Variants in TBC1D14 observed in about 807,000 individuals in gnomAD.
TBC1D14 encodes the protein TBC1 domain family member 14, also known as TBC1 domain family, member 14.
A neutral mutation model predicts 79.0 loss-of-function variants in TBC1D14; 26 were observed. The ratio of observed to expected loss-of-function variants is 0.33; its 90% CI spans 0.24 to 0.46. TBC1D14 has a LOEUF of 0.46. TBC1D14 is among the 20% of genes least tolerant of loss of function. The probability of loss-of-function intolerance (pLI) is 1.00; values close to 1 mark genes in which losing one functional copy is unlikely to be tolerated. For missense variants in TBC1D14, 769 were observed against 887.6 expected (o/e 0.87, Z 1.70); for synonymous variants, 394 against 349.9 (o/e 1.13, Z -1.40).
intron 1 of TBC1D14, among the ~76,000 whole-genome samples, chr4:6,915,757 C>G (rs983719258): frequency 6.6e-6 from 1 of 152,010 alleles, no homozygotes; most frequent in African/African-American, 2.4e-5. Context: ...AATGTTGGCT[C>G]TGGGATCTGT....
In TBC1D14 at chr4:7,006,672, G is replaced by T. The variant is rs748711911; in HGVS notation, c.1392G>T (p.Glu464Asp). Residue 464 changes from glutamate to aspartate, a missense_variant, in exon 9 of 14, where the codon GAG (glutamate) becomes GAT (aspartate). Glu to Asp is a conservative substitution (Grantham distance 45). This residue lies in a region of TBC1D14 where 367 missense variants were observed against 494.4 expected (regional missense o/e 0.74). Coordinates refer to ENST00000409757, the MANE Select transcript of TBC1D14 (RefSeq NM_020773.3). Reference protein sequence around the residue: ...FSAADREASLELIKLDISRTF... With the variant: ...FSAADREASLDLIKLDISRTF... ...CAGCAGACAGAGAAGCCAGTCTGGA[G>T]CTTATTAAACTGGACATTTCTAGAA... The T allele has an allele frequency of 1.9e-6, 3 of 1,614,018 alleles. No individual in the cohort carries two copies. The highest frequency in any genetic ancestry group is 2.5e-6 in the Non-Finnish European group (3 of 1,179,966).
intron 3 of TBC1D14, among the ~76,000 whole-genome samples, chr4:6,979,347 C>G (rs1452906627): frequency 2.0e-5 from 3 of 152,158 alleles, no homozygotes; most frequent in Non-Finnish European, 4.4e-5. Flanking sequence ...AAAAAATGGG[C>G]TGGGTGTGTT....
chr4:6,951,189 G>A (rs1714005431), intron 2 of TBC1D14, among the ~76,000 whole-genome samples: 1 of 152,156 alleles, frequency 6.6e-6, no homozygotes, highest in Non-Finnish European at 1.5e-5. Flanking sequence ...CTACTCAGGA[G>A]GCTGAGGCAG....
chr4:6,914,135 C>CAA (rs34129252), intron 1 of TBC1D14, among the ~76,000 whole-genome samples: 57,941 of 137,084 alleles, frequency 0.42, 11,787 homozygotes, highest in Middle Eastern at 0.53. Context: ...GACCCCATCT[C>CAA]AAAAAAAAAA....
At chr4:7,027,973 C>G (rs1170446095) in intron 13 of TBC1D14, among the ~76,000 whole-genome samples, 1 of 126,226 alleles carries the variant, frequency 7.9e-6, no homozygotes, top group Non-Finnish European at 1.7e-5. Flanking sequence ...ACATTGCCCA[C>G]CCCCCCACAC....
Position 7,014,552 on chromosome 4 carries a change from T to C in TBC1D14, c.1752T>C (p.Ile584=), listed in dbSNP as rs1353831721. 9 of 1,604,098 alleles carry C rather than the reference T, an allele frequency of 5.6e-6. No homozygotes were observed. The highest frequency in any genetic ancestry group is 1.7e-4 in the Middle Eastern group (1 of 6,052). The part of the protein sequence containing the change: ...KNNLTPDIYL[I]DWIFTLYSKS... ...ACCTAACTCCAGATATCTACCTAAT[T>C]GATTGGTAAGACTGGCTTTTCCCTG... is the stretch of plus-strand genomic sequence containing the variant. The change falls in exon 12 of 14, where the codon ATT becomes ATC. Residue 584 remains isoleucine (I), a synonymous_variant. Transcript: ENST00000409757.
Position 6,933,495 on chromosome 4 carries a change from A to G in TBC1D14, c.722+9384A>G, listed in dbSNP as rs111460851. The stretch of plus-strand genomic sequence containing the variant: ...AACTTTTAAAATTTTTTGTAGAGAC[A>G]TGGTCTCACTTTGTTGCCCAGGCTG... On this transcript the variant is annotated intron_variant, in intron 2 of 13. Transcript: ENST00000409757. Among the ~76,000 whole-genome samples, 934 of 151,656 alleles carry G rather than the reference A, an allele frequency of 6.2e-3. 8 individuals carry two copies. Among genetic ancestry groups the G allele is most frequent in the African/African-American group, 0.021 (884 of 41,288 alleles).
intron 2 of TBC1D14, among the ~76,000 whole-genome samples, chr4:6,936,118 C>T (rs1712298482): frequency 6.6e-6 from 1 of 152,186 alleles, no homozygotes; most frequent in African/African-American, 2.4e-5. Context: ...TGGAGGAGTC[C>T]ATTTGTTACT....
chr4:7,011,268 T>C (rs1274365265), intron 11 of TBC1D14, among the ~76,000 whole-genome samples: 1 of 149,220 alleles, frequency 6.7e-6, no homozygotes, highest in African/African-American at 2.4e-5. Flanking sequence ...AAGGCAGCCA[T>C]TTGTTTAGTG....
In TBC1D14 at chr4:7,024,999, C is replaced by G. The variant is rs1282787039; in HGVS notation, c.1758-5C>G. 3.1e-6 allele frequency: 5 copies of G among 1,613,496 alleles called. No homozygotes were observed. Among genetic ancestry groups the G allele is most frequent in the African/African-American group, 1.3e-5 (1 of 74,912 alleles). On this transcript the variant is annotated splice_polypyrimidine_tract_variant and splice_region_variant and intron_variant, in intron 12 of 13. Transcript: ENST00000409757. ...ATCTGAAAAATTCCAACTTTTACCC[C>G]CTAGGATCTTTACCTTATATAGTAA...
At chr4:6,987,124 CT>C (rs1717921200) in intron 3 of TBC1D14, 7 of 1,191,328 alleles carry the variant, frequency 5.9e-6, no homozygotes, top group African/African-American at 1.6e-5. Context: ...GCCCCGCCCC[CT>C]TGGGAGTCTC....
chr4:6,997,824 C>CA (rs768906472), intron 5 of TBC1D14, among the ~76,000 whole-genome samples: 23 of 152,102 alleles, frequency 1.5e-4, no homozygotes, highest in Middle Eastern at 3.4e-3. Context: ...CAGTCAAACT[C>CA]AGAGACAAAA....
At chr4:7,001,416 G>T in intron 7 of TBC1D14, 165 bp downstream of exon 7, 1 of 619,422 alleles carries the variant, frequency 1.6e-6, no homozygotes, top group South Asian at 1.9e-5. Flanking sequence ...GGAGGCCTGG[G>T]TTTAGTGCTG....
At chr4:6,943,664 C>T (rs889469939) in intron 2 of TBC1D14, among the ~76,000 whole-genome samples, 6 of 152,162 alleles carry the variant, frequency 3.9e-5, no homozygotes, top group African/African-American at 1.4e-4. Context: ...TCTCCCAGAC[C>T]TCTAATGTGG....
intron 1 of TBC1D14, among the ~76,000 whole-genome samples, chr4:6,919,908 C>T (rs896032897): frequency 4.6e-5 from 7 of 151,988 alleles, no homozygotes; most frequent in Admixed American, 1.3e-4. Context: ...CGTGAGCCAC[C>T]GTGCCCGGCC....
rs145100463 is a variant in TBC1D14 at position 6,919,539 on chromosome 4, C to T, written c.-17-3834C>T. 4.7e-4 allele frequency among the ~76,000 whole-genome samples: 72 copies of T among 152,274 alleles called. No individual in the cohort carries two copies. The East Asian group carries it at 0.014, about 29-fold the overall frequency. ...CTAATTTCTAAGAAAAATTGATTAT[C>T]AATTACTATAACATTGTGATTAAAT... On this transcript the variant is annotated intron_variant, in intron 1 of 13. Coordinates refer to ENST00000409757, the MANE Select transcript of TBC1D14 (RefSeq NM_020773.3).
At chr4:6,925,792 G>C (rs1009508396) in intron 2 of TBC1D14, among the ~76,000 whole-genome samples, 2 of 152,102 alleles carry the variant, frequency 1.3e-5, no homozygotes, top group African/African-American at 2.4e-5. Context: ...TTTGTGTGGC[G>C]GAACTTCCCC....
intron 10 of TBC1D14, among the ~76,000 whole-genome samples, chr4:7,010,285 T>C (rs1720619213): frequency 6.6e-6 from 1 of 152,236 alleles, no homozygotes; most frequent in South Asian, 2.1e-4. Flanking sequence ...GCTTCGCGGA[T>C]GTGTGTGCGC....
chr4:6,910,372 C>A (rs181659569), intron 1 of TBC1D14: 1 of 152,534 alleles, frequency 6.6e-6, no homozygotes, highest in Non-Finnish European at 1.5e-5. Context: ...GACCCTCCTC[C>A]TTGGAGCCCC....
Sources: gnomAD v4.1 joint callset for allele counts (sites outside exome capture counted in the v4.1 genomes callset) on GRCh38, gnomAD v4.1.1 for gene constraint, gnomAD v4.1.1 regional missense constraint, MANE v1.5 for transcripts, NCBI Gene and HGNC (gene_info 2026-07-23, HGNC 2026-07-21) for gene names.